PLA2G4D: variants seen among roughly 807,000 people sequenced by gnomAD.
The protein encoded by PLA2G4D is phospholipase A2 group IVD, also known as cytosolic phospholipase A2 delta.
A neutral mutation model predicts 94.4 loss-of-function variants in PLA2G4D; 80 were observed. The observed-to-expected ratio is 0.85, with a 90% CI of 0.71 to 1.02. PLA2G4D has a LOEUF of 1.02. PLA2G4D is among the 50% of genes least tolerant of loss of function. The probability of loss-of-function intolerance (pLI) is 0.00; values close to 1 mark genes in which losing one functional copy is unlikely to be tolerated. For missense variants in PLA2G4D, 1,050 were observed against 1,034.7 expected, an observed-to-expected ratio of 1.01 and a Z score of -0.20; for synonymous variants, 438 against 440.9, an observed-to-expected ratio of 0.99 and a Z score of 0.08.
chr15:42,083,906 G>T, intron 6 of PLA2G4D, 127 bp from the exon 7 acceptor site: 5 of 914,204 alleles, frequency 5.5e-6, no homozygotes, highest in Non-Finnish European at 8.5e-6. Context: ...GCTCAGGATG[G>T]GATTGGCTGC....
rs1227277998 is a variant in PLA2G4D, at chr15:42,079,508, C to T, written c.1317+29G>A. On this transcript the variant is annotated intron_variant, in intron 13 of 19. Transcript: ENST00000290472. ...CCTTCGCCCCCGCGGTGCACACACG[C>T]GTCTCCCCCACGTGCGCAGGCGCCC... 3.2e-6 allele frequency: 5 copies of T among 1,560,738 alleles called. No individual in the cohort carries two copies. The East Asian group carries it at 7.1e-5, about 22-fold the overall frequency.
rs112084826 is a variant in PLA2G4D, at chr15:42,070,819, G to A, written c.1941C>T (p.Asp647=). The A allele has an allele frequency of 2.2e-5, 36 of 1,610,406 alleles. No individual in the cohort carries two copies. Among genetic ancestry groups the A allele is most frequent in the South Asian group, 7.8e-5 (7 of 90,014 alleles). ...AGCTGGTGTTGATGAAGTAGGCGGC[G>A]TCCACCAGGCAGAGCCGGGGCTCCT... ...TPKEPRLCLV[D]AAYFINTSSP... Residue 647 remains aspartate (D), a synonymous_variant, in exon 18 of 20, where the codon GAC becomes GAT. Coordinates refer to ENST00000290472, the MANE Select transcript of PLA2G4D (RefSeq NM_178034.4).
chr15:42,070,629 T>G, intron 18 of PLA2G4D, 88 bp downstream of exon 18: 6 of 1,397,710 alleles, frequency 4.3e-6, no homozygotes, highest in Non-Finnish European at 4.8e-6. Context: ...ACCCCGGCGG[T>G]GTGGGGCAGG....
chr15:42,083,019 T>G (rs868023478), intron 8 of PLA2G4D, among the ~76,000 whole-genome samples, 179 bp downstream of exon 8: 2 of 152,296 alleles, frequency 1.3e-5, no homozygotes, highest in Non-Finnish European at 2.9e-5. Context: ...AGCAGCCCCA[T>G]GCCCGCTCTG....
Position 42,072,257 on chromosome 15 carries a change from G to A in PLA2G4D, c.1435+18C>T. 6.3e-7 allele frequency: 1 copy of A among 1,592,254 alleles called. No homozygotes were observed. The highest frequency in any genetic ancestry group is 8.6e-7 in the Non-Finnish European group (1 of 1,161,010). On this transcript the variant is annotated intron_variant, in intron 14 of 19. Coordinates refer to ENST00000290472, the MANE Select transcript of PLA2G4D (RefSeq NM_178034.4). ...TTGGGGGGTGGAGTATGTGGGAGGG[G>A]AGTAGGTAGAACTGTACCCTTGAAG...
chr15:42,079,909 CCTT>C, intron 12 of PLA2G4D, 150 bp from the exon 13 acceptor site: 1 of 657,782 alleles, frequency 1.5e-6, no homozygotes, highest in South Asian at 2.2e-5. Context: ...GGCTTTCTCT[CCTT>C]CTAGATCAGC....
Position 42,092,499 on chromosome 15 carries a change from G to A in PLA2G4D, c.45+1916C>T, listed in dbSNP as rs187168434. ...GACTAATATGATTACTGAGATAACC[G>A]ACACTTTAACTGATATGAATCTTTT... On this transcript the variant is annotated intron_variant, in intron 1 of 19. Transcript: ENST00000290472. Among the ~76,000 whole-genome samples the A allele has an allele frequency of 2.8e-4, 42 of 152,260 alleles. 1 individual carries two copies. The East Asian group carries it at 7.1e-3, about 26-fold the overall frequency.
intron 13 of PLA2G4D, 128 bp downstream of exon 13, chr15:42,079,409 G>T: frequency 1.1e-6 from 1 of 882,908 alleles, no homozygotes; most frequent in Non-Finnish European, 1.7e-6. Context: ...TCCAAAGTGA[G>T]GCAGACACTA....
At chr15:42,081,908 G>A (rs1270506637) in intron 9 of PLA2G4D, 74 bp from the exon 10 acceptor site, 1 of 1,384,600 alleles carries the variant, frequency 7.2e-7, no homozygotes, top group African/African-American at 1.5e-5. Flanking sequence ...CTGGGGACTT[G>A]GTCCCCTTCA....
intron 19 of PLA2G4D, 54 bp from the exon 20 acceptor site, chr15:42,068,995 T>A: frequency 6.6e-7 from 1 of 1,508,954 alleles, no homozygotes; most frequent in Non-Finnish European, 9.0e-7. Flanking sequence ...TTCTACAGCC[T>A]GGCAGCGGCG....
chr15:42,072,182 T>G, intron 14 of PLA2G4D, 93 bp downstream of exon 14: 1 of 1,208,490 alleles, frequency 8.3e-7, no homozygotes, highest in Non-Finnish European at 1.2e-6. Flanking sequence ...GGGCAATCTG[T>G]GCGGAGCTTC....
At chr15:42,071,658 C>T (rs1345776720) in intron 15 of PLA2G4D, 107 bp from the exon 16 acceptor site, 10 of 1,329,974 alleles carry the variant, frequency 7.5e-6, no homozygotes, top group Non-Finnish European at 1.1e-5. Flanking sequence ...CAATGCATCC[C>T]CCCCGCCACC....
intron 19 of PLA2G4D, 62 bp downstream of exon 19, chr15:42,069,847 G>A: frequency 7.8e-7 from 1 of 1,288,228 alleles, no homozygotes; most frequent in South Asian, 1.9e-5. Context: ...GGGCAGCCGG[G>A]GGGCCCAGGG....
In PLA2G4D at chr15:42,081,848, C is replaced by G; in HGVS notation, c.784-14G>C. On this transcript the variant is annotated splice_polypyrimidine_tract_variant and intron_variant, in intron 9 of 19. Coordinates refer to ENST00000290472, the MANE Select transcript of PLA2G4D (RefSeq NM_178034.4). ...CACTCCTGGGGCCTGAAATCAAAGCCAGAGACTCTGCTCAGACCCTCCTAG... is the reference window on the plus strand; with the variant it reads ...CACTCCTGGGGCCTGAAATCAAAGCGAGAGACTCTGCTCAGACCCTCCTAG... 1 of 1,614,144 alleles carries G rather than the reference C, an allele frequency of 6.2e-7. No homozygotes were observed. The highest frequency in any genetic ancestry group is 1.6e-4 in the Middle Eastern group (1 of 6,062).
chr15:42,072,427 T>A (rs754530227), intron 13 of PLA2G4D, 35 bp from the exon 14 acceptor site: 2 of 1,566,186 alleles, frequency 1.3e-6, no homozygotes, highest in Admixed American at 3.3e-5. Context: ...TAAGTGAGGC[T>A]GGGAGTACCC....
In PLA2G4D at chr15:42,084,032, C is replaced by A; in HGVS notation, c.472-253G>T. 1 of 518,940 alleles carries A rather than the reference C, an allele frequency of 1.9e-6. No individual in the cohort carries two copies. The highest frequency in any genetic ancestry group is 3.5e-6 in the Non-Finnish European group (1 of 287,362). 32.1% of individuals were successfully genotyped at this position (518,940 alleles called of 1,614,324 possible). A position where few individuals can be genotyped will look rare whatever the true frequency, so the allele number is the denominator to read the frequency against. ...CCAGCTCCCCTGGCTTTGCCAAACTCCCGAAACCTCCTAGAGCGCCCAGCC... is the reference window on the plus strand; with the variant it reads ...CCAGCTCCCCTGGCTTTGCCAAACTACCGAAACCTCCTAGAGCGCCCAGCC... On this transcript the variant is annotated intron_variant, in intron 6 of 19. Transcript: ENST00000290472. The surrounding 1 kb of genome is among the most constrained non-coding windows in gnomAD (Gnocchi z 4.8).
rs955438167 is a variant in PLA2G4D at position 42,072,192 on chromosome 15, C to T, written c.1435+83G>A. ...ACATTGGGCAATCTGTGCGGAGCTT[C>T]CAGCATGAATTCTCTGGGGGCTGTC... is the stretch of plus-strand genomic sequence containing the variant. On this transcript the variant is annotated intron_variant, in intron 14 of 19. Transcript: ENST00000290472. The T allele has an allele frequency of 3.1e-6, 4 of 1,282,342 alleles. No homozygotes were observed. The Admixed American group carries it at 5.3e-5, about 17-fold the overall frequency. 79.4% of individuals were successfully genotyped at this position (1,282,342 alleles called of 1,614,324 possible).
intron 1 of PLA2G4D, among the ~76,000 whole-genome samples, chr15:42,094,196 G>A (rs1486048446): frequency 6.6e-6 from 1 of 152,100 alleles, no homozygotes; most frequent in Admixed American, 6.5e-5. Flanking sequence ...CGCTGGTGGT[G>A]GGGAGAGGAA....
At chr15:42,070,350 G>A in intron 18 of PLA2G4D, 1 of 519,794 alleles carries the variant, frequency 1.9e-6, no homozygotes. Context: ...CCCCAATTCT[G>A]GATTGCTATT....
Sources: gnomAD v4.1 joint callset for allele counts (sites outside exome capture counted in the v4.1 genomes callset) on GRCh38, gnomAD v4.1.1 for gene constraint, Gnocchi (gnomAD v3.1) non-coding constraint, MANE v1.5 for transcripts, NCBI Gene and HGNC (gene_info 2026-07-23, HGNC 2026-07-21) for gene names.